The following MPO variants were observed in gnomAD, a reference collection of about 807,000 sequenced individuals.
MPO encodes myeloperoxidase.
Under a neutral mutation model 69.4 loss-of-function variants are expected in MPO, and 57 were observed. That is an observed-to-expected ratio of 0.82 (90% CI 0.66 to 1.02). The LOEUF (loss-of-function observed/expected upper bound fraction) is 1.02, where lower values mean the gene tolerates loss of function less well. MPO is among the 50% of genes least tolerant of loss of function. The pLI is 0.00. For synonymous variants in MPO, 426 were observed against 417.1 expected (o/e 1.02, Z -0.26); for missense variants, 971 against 1,014.1 (o/e 0.96, Z 0.58).
chr17:58,274,957 C>CA (rs1970417232), intron 8 of MPO, among the ~76,000 whole-genome samples: 1 of 151,972 alleles, frequency 6.6e-6, no homozygotes, highest in African/African-American at 2.4e-5. Flanking sequence ...CTCTGCCTCC[C>CA]AGGTTCACGC....
At chr17:58,278,986 A>G in intron 6 of MPO, 22 bp downstream of exon 6, 1 of 1,595,376 alleles carries the variant, frequency 6.3e-7, no homozygotes, top group Non-Finnish European at 8.5e-7. Context: ...CAACCCAGGC[A>G]GTGGGCGGGA....
rs138269172 is a variant in MPO at position 58,279,948 on chromosome 17, C to T, written c.315G>A (p.Pro105=). The T allele has an allele frequency of 8.5e-4, 1,376 of 1,613,836 alleles. 2 individuals carry two copies. The highest frequency in any genetic ancestry group is 1.1e-3 in the African/African-American group (79 of 75,026). The change falls in exon 3 of 12, where the codon CCG becomes CCA. Residue 105 remains proline (P), a synonymous_variant. Coordinates refer to ENST00000225275, the MANE Select transcript of MPO (RefSeq NM_000250.2). ...PMELLSYFKQ[P]VAATRTAVRA... is the part of the protein sequence containing the mutation. ...TCACCGCCGTCCTGGTGGCTGCCAC[C>T]GGCTGCTTGAAGTAGGATAGGAGTT...
At chr17:58,272,615 C>T in intron 10 of MPO, 133 bp downstream of exon 10, 3 of 1,075,018 alleles carry the variant, frequency 2.8e-6, no homozygotes, top group Non-Finnish European at 3.9e-6. Flanking sequence ...CCTCAGGCTA[C>T]TTCCTGAGAG....
intron 2 of MPO, 25 bp downstream of exon 2, chr17:58,280,341 A>T: frequency 6.2e-7 from 1 of 1,606,128 alleles, no homozygotes; most frequent in Non-Finnish European, 8.5e-7. Context: ...CCTTGCCCAG[A>T]GCTGGGCAGT....
chr17:58,277,727 T>C, intron 7 of MPO, 100 bp downstream of exon 7: 1 of 1,523,026 alleles, frequency 6.6e-7, no homozygotes, highest in Non-Finnish European at 9.0e-7. Context: ...GAGGACAGTC[T>C]CTCTAAGTAC....
At chr17:58,273,390 G>C (rs373958427) in intron 9 of MPO, 24 bp downstream of exon 9, 1 of 1,613,952 alleles carries the variant, frequency 6.2e-7, no homozygotes, top group Non-Finnish European at 8.5e-7. Context: ...CAGCCCACTC[G>C]CTCCTGGCCT....
chr17:58,272,669 G>A (rs1187811144), intron 10 of MPO, 79 bp downstream of exon 10: 1 of 1,525,740 alleles, frequency 6.6e-7, no homozygotes, highest in Non-Finnish European at 8.9e-7. Context: ...GGACCCTAGA[G>A]TGGGAAGGGG....
rs1970492856 is a variant in MPO, at chr17:58,279,899, C to T, written c.364G>A (p.Ala122Thr). ...AGCTTCCTCTCCAGCAGGTCTAGAGCCACGTGCAGGTAGTCAGCGGCCCTC... is the reference window on the plus strand; with the variant it reads ...AGCTTCCTCTCCAGCAGGTCTAGAGTCACGTGCAGGTAGTCAGCGGCCCTC... ...AVRAADYLHV[A>T]LDLLERKLRS... The change falls in exon 3 of 12, where the codon GCT becomes ACT. Residue 122 changes from alanine to threonine, a missense_variant. Transcript: ENST00000225275. The T allele has an allele frequency of 6.8e-6, 11 of 1,614,074 alleles. No homozygotes were observed. Among genetic ancestry groups the T allele is most frequent in the Non-Finnish European group, 9.3e-6 (11 of 1,180,020 alleles).
At position 58,273,551 on chromosome 17, in the gene MPO, G is replaced by A. The variant is rs150426727; in HGVS notation, c.1484C>T (p.Thr495Ile). 7.0e-5 allele frequency: 113 copies of A among 1,614,240 alleles called. 1 individual carries two copies. In the East Asian group the frequency reaches 2.5e-3, roughly 35 times the overall value. The change falls in exon 9 of 12, where the codon ACC (threonine) becomes ATC (isoleucine). Residue 495 changes from threonine (T) to isoleucine (I), a missense_variant. Physicochemically the swap from Thr to Ile is moderately conservative, Grantham distance 89. Transcript: ENST00000225275. ...SVDPRIANVF[T>I]NAFRYGHTLI... ...GGTGTGGCCGTAGCGGAAGGCATTG[G>A]TGAAGACGTTGGCGATGCGTGGGTC... is the stretch of plus-strand genomic sequence containing the variant.
At position 58,280,628 on chromosome 17, in the gene MPO, T is replaced by C. The variant is rs748629136; in HGVS notation, c.131A>G (p.Gln44Arg). Residue 44 changes from glutamine (Q) to arginine (R), a missense_variant, in exon 1 of 12, where the codon CAG becomes CGG. Coordinates refer to ENST00000225275, the MANE Select transcript of MPO (RefSeq NM_000250.2). ...AGLLAILATPQPSEGAAPAVL... is the reference protein window; with the variant it reads ...AGLLAILATPRPSEGAAPAVL... ...ACCTGGAGCAGCACCTTCAGAGGGCTGGGGCGTGGCCAGAATGGCCAGGAG... is the reference window on the plus strand; with the variant it reads ...ACCTGGAGCAGCACCTTCAGAGGGCCGGGGCGTGGCCAGAATGGCCAGGAG... 1.9e-6 allele frequency: 3 copies of C among 1,614,220 alleles called. No individual in the cohort carries two copies. The highest frequency in any genetic ancestry group is 2.5e-6 in the Non-Finnish European group (3 of 1,180,034).
chr17:58,271,097 G>A (rs1016021561), intron 11 of MPO, among the ~76,000 whole-genome samples: 2 of 152,252 alleles, frequency 1.3e-5, no homozygotes, highest in East Asian at 1.9e-4. Flanking sequence ...CTAGCCCGGC[G>A]GCCTCCAGGG....
intron 6 of MPO, 30 bp from the exon 7 acceptor site, chr17:58,278,175 C>G (rs973320993): frequency 6.3e-7 from 1 of 1,598,112 alleles, no homozygotes; most frequent in Non-Finnish European, 8.5e-7. Context: ...TAGACTGGCT[C>G]ACCGAGGGCA....
chr17:58,279,891 G>A lies in MPO; in HGVS notation c.372C>T (p.Asp124=). Residue 124 remains aspartate (D), a synonymous_variant, in exon 3 of 12, where the codon GAC becomes GAT. Coordinates refer to ENST00000225275, the MANE Select transcript of MPO (RefSeq NM_000250.2). The part of the protein sequence containing the change: ...RAADYLHVAL[D]LLERKLRSLW... Reference sequence around the variant, plus strand: ...GGGACCGCAGCTTCCTCTCCAGCAGGTCTAGAGCCACGTGCAGGTAGTCAG... The same window carrying A: ...GGGACCGCAGCTTCCTCTCCAGCAGATCTAGAGCCACGTGCAGGTAGTCAG... The A allele has an allele frequency of 1.9e-6, 3 of 1,614,076 alleles. No homozygotes were observed. The highest frequency in any genetic ancestry group is 2.5e-6 in the Non-Finnish European group (3 of 1,180,020).
In MPO at chr17:58,273,597, G is replaced by T; in HGVS notation, c.1438C>A (p.Arg480Ser). The T allele has an allele frequency of 6.2e-7, 1 of 1,614,188 alleles. No homozygotes were observed. The highest frequency in any genetic ancestry group is 8.5e-7 in the Non-Finnish European group (1 of 1,180,036). Reference protein sequence around the residue: ...TAMRKYLPTYRSYNDSVDPRI... With the variant: ...TAMRKYLPTYSSYNDSVDPRI... The stretch of plus-strand genomic sequence containing the variant: ...GGGTCCACTGAGTCATTGTAGGAAC[G>T]GTACGTGGGCAGGTACTTCCTCATG... The change falls in exon 9 of 12, where the codon CGT becomes AGT. Residue 480 changes from arginine (R) to serine (S), a missense_variant. Coordinates refer to ENST00000225275, the MANE Select transcript of MPO (RefSeq NM_000250.2).
At position 58,275,161 on chromosome 17, in the gene MPO, C is replaced by A. The variant is rs1192909802; in HGVS notation, c.1365+381G>T. On this transcript the variant is annotated intron_variant, in intron 8 of 11. Coordinates refer to ENST00000225275, the MANE Select transcript of MPO (RefSeq NM_000250.2). The surrounding 1 kb of genome is among the most constrained non-coding windows in gnomAD (Gnocchi z 4.1). The stretch of plus-strand genomic sequence containing the variant: ...TACAGGCATGAGCCACCGCGCCCAG[C>A]CCTATAATTTTTTTAATTTTAAAAA... Among the ~76,000 whole-genome samples, 2 of 152,232 alleles carry A rather than the reference C, an allele frequency of 1.3e-5. No individual in the cohort carries two copies. Among genetic ancestry groups the A allele is most frequent in the Non-Finnish European group, 2.9e-5 (2 of 68,028 alleles).
chr17:58,279,448 T>G lies in MPO; in HGVS notation c.549-22A>C, dbSNP rs749969200. 5 of 1,611,644 alleles carry G rather than the reference T, an allele frequency of 3.1e-6. No individual in the cohort carries two copies. In the African/African-American group the frequency reaches 6.7e-5, roughly 22 times the overall value. ...GCGTCTGCAGGGGAGGACAGGGCGC[T>G]GACACCGGGAGGCTTGTGGCGTCCG... On this transcript the variant is annotated intron_variant, in intron 4 of 11. Transcript: ENST00000225275.
At chr17:58,279,695 C>G in intron 3 of MPO, 49 bp from the exon 4 acceptor site, 1 of 1,613,908 alleles carries the variant, frequency 6.2e-7, no homozygotes, top group African/African-American at 1.3e-5. Context: ...CACTTCCTAT[C>G]CCAGGCAACC....
chr17:58,280,218 C>G (rs1166554886), intron 2 of MPO, 148 bp downstream of exon 2: 1 of 1,030,966 alleles, frequency 9.7e-7, no homozygotes, highest in Admixed American at 2.0e-5. Context: ...TTCTCCCATC[C>G]AGAAACACAG....
At chr17:58,273,064 C>T (rs1970387447) in intron 9 of MPO, 146 bp from the exon 10 acceptor site, 1 of 1,021,948 alleles carries the variant, frequency 9.8e-7, no homozygotes, top group Non-Finnish European at 1.5e-6. Flanking sequence ...GTGGTGGCCC[C>T]AGTGAGCAGG....
Sources: gnomAD v4.1 joint callset for allele counts (sites outside exome capture counted in the v4.1 genomes callset) on GRCh38, gnomAD v4.1.1 for gene constraint, Gnocchi (gnomAD v3.1) non-coding constraint, MANE v1.5 for transcripts, NCBI Gene and HGNC (gene_info 2026-07-23, HGNC 2026-07-21) for gene names.